The following DENND1A variants were observed in gnomAD, a reference collection of about 807,000 sequenced individuals.
DENND1A encodes DENN domain-containing protein 1A.
Under a neutral mutation model 113.7 loss-of-function variants are expected in DENND1A, and 51 were observed. That is an observed-to-expected ratio of 0.45 (90% CI 0.36 to 0.57). The LOEUF (loss-of-function observed/expected upper bound fraction) is 0.57. DENND1A is among the 20% of genes least tolerant of loss of function. DENND1A has a pLI of 0.00. For synonymous variants in DENND1A, 565 were observed against 570.8 expected, an observed-to-expected ratio of 0.99 and a Z score of 0.14; for missense variants, 1,258 against 1,395.9, an observed-to-expected ratio of 0.90 and a Z score of 1.57.
At chr9:123,398,015 T>C (rs1428166407) in intron 21 of DENND1A, among the ~76,000 whole-genome samples, 1 of 152,212 alleles carries the variant, frequency 6.6e-6, no homozygotes, top group Non-Finnish European at 1.5e-5. Context: ...CGAAAGCACT[T>C]GGCTCTGCAT....
At chr9:123,607,029 C>T (rs1460487071) in intron 11 of DENND1A, among the ~76,000 whole-genome samples, 15 of 152,278 alleles carry the variant, frequency 9.9e-5, no homozygotes. Flanking sequence ...GAAGGCTTGA[C>T]AGTAGTGGAG....
intron 13 of DENND1A, among the ~76,000 whole-genome samples, chr9:123,529,123 TG>T (rs1180648125): frequency 6.6e-6 from 1 of 152,208 alleles, no homozygotes; most frequent in Admixed American, 6.5e-5. Context: ...ATATGACCAA[TG>T]CAATATTTTT....
At chr9:123,852,637 C>A (rs1479293726) in intron 2 of DENND1A, among the ~76,000 whole-genome samples, 1 of 152,184 alleles carries the variant, frequency 6.6e-6, no homozygotes, top group Non-Finnish European at 1.5e-5. Flanking sequence ...CAGCACACTC[C>A]CAGTGCACTT....
chr9:123,565,711 C>T (rs1486383497), intron 12 of DENND1A, among the ~76,000 whole-genome samples: 1 of 152,186 alleles, frequency 6.6e-6, no homozygotes, highest in Non-Finnish European at 1.5e-5. Flanking sequence ...AAAACATTGG[C>T]TCCCTCTGCC....
chr9:123,607,520 CAGAGAG>C (rs33997878), intron 11 of DENND1A, among the ~76,000 whole-genome samples: 36 of 73,858 alleles, frequency 4.9e-4, no homozygotes, highest in South Asian at 5.9e-4. Flanking sequence ...CACACACACA[CAGAGAG>C]AGAGAGAGAG....
intron 10 of DENND1A, among the ~76,000 whole-genome samples, chr9:123,621,600 G>A (rs1221044903): frequency 6.6e-6 from 1 of 152,172 alleles, no homozygotes; most frequent in Non-Finnish European, 1.5e-5. Context: ...CCTGCTTTGT[G>A]TCAGTAGTAA....
At chr9:123,785,808 A>T (rs1301693069) in intron 3 of DENND1A, among the ~76,000 whole-genome samples, 1 of 152,200 alleles carries the variant, frequency 6.6e-6, no homozygotes, top group Non-Finnish European at 1.5e-5. Flanking sequence ...GCAGATGAAA[A>T]AATTACATTT....
At chr9:123,618,470 C>T (rs915729658) in intron 10 of DENND1A, among the ~76,000 whole-genome samples, 4 of 152,120 alleles carry the variant, frequency 2.6e-5, no homozygotes, top group Admixed American at 6.5e-5. Context: ...AGGCAGGAGT[C>T]GGGGCCAGCA....
intron 19 of DENND1A, among the ~76,000 whole-genome samples, chr9:123,420,173 A>G (rs748174361): frequency 5.9e-5 from 9 of 152,184 alleles, no homozygotes; most frequent in Non-Finnish European, 1.0e-4. Flanking sequence ...CTGTTTCTTC[A>G]GGGAAAGGAA....
intron 11 of DENND1A, among the ~76,000 whole-genome samples, chr9:123,583,746 G>C (rs2059032873): frequency 6.6e-6 from 1 of 152,110 alleles, no homozygotes; most frequent in Non-Finnish European, 1.5e-5. Flanking sequence ...ATTGTGTGTG[G>C]CCTACTGTTA....
chr9:123,733,852 G>A (rs2068366259), intron 5 of DENND1A, among the ~76,000 whole-genome samples: 1 of 151,900 alleles, frequency 6.6e-6, no homozygotes, highest in Non-Finnish European at 1.5e-5. Context: ...CTTTTTAGCA[G>A]AGACAGGGTT....
intron 12 of DENND1A, among the ~76,000 whole-genome samples, chr9:123,581,160 C>T (rs1286403500): frequency 4.6e-5 from 7 of 151,812 alleles, no homozygotes; most frequent in South Asian, 4.2e-4. Context: ...GTGGGTCAAG[C>T]GGGAGTAAGG....
intron 9 of DENND1A, among the ~76,000 whole-genome samples, chr9:123,637,621 T>TATAC (rs2061772607): frequency 1.3e-5 from 2 of 152,130 alleles, no homozygotes; most frequent in East Asian, 3.8e-4. Flanking sequence ...GTTACTGTAT[T>TATAC]TAGTGGGGGA....
chr9:123,495,141 T>TTCTCTCTCTCTCTCTCTCTCTCTC lies in DENND1A; in HGVS notation c.994-37268_994-37245dup, dbSNP rs56390148. Among the ~76,000 whole-genome samples the TTCTCTCTCTCTCTCTCTCTCTCTC allele has an allele frequency of 3.2e-3, 446 of 140,576 alleles. 17 individuals are homozygous for TTCTCTCTCTCTCTCTCTCTCTCTC. Among genetic ancestry groups the TTCTCTCTCTCTCTCTCTCTCTCTC allele is most frequent in the African/African-American group, 7.2e-3 (256 of 35,452 alleles). 92.2% of individuals were successfully genotyped at this position (140,576 alleles called of 152,430 possible). Reference sequence around the variant, plus strand: ...TCTATTATGACCCATCATTGTCTCTTTCTCTCTCTCTCTCTCTCTCTCTCT... The same window carrying TTCTCTCTCTCTCTCTCTCTCTCTC: ...TCTATTATGACCCATCATTGTCTCTTTCTCTCTCTCTCTCTCTCTCTCTCTCTCTCTCTCTCTCTCTCTCTCTCT... On this transcript the variant is annotated intron_variant, in intron 13 of 23. Coordinates refer to ENST00000394215, the MANE Select transcript of DENND1A (RefSeq NM_001352964.2).
At chr9:123,810,504 G>A (rs1395683124) in intron 2 of DENND1A, among the ~76,000 whole-genome samples, 4 of 127,194 alleles carry the variant, frequency 3.1e-5, no homozygotes, top group South Asian at 5.1e-4. Context: ...TTGAGCTCAA[G>A]AGATCGAGAC....
intron 1 of DENND1A, among the ~76,000 whole-genome samples, chr9:123,901,589 T>C (rs1363426120): frequency 1.3e-5 from 2 of 152,180 alleles, no homozygotes; most frequent in Non-Finnish European, 2.9e-5. Context: ...ATTTCCCTAT[T>C]TTTAATCCTA....
At chr9:123,698,603 A>G (rs548704248) in intron 5 of DENND1A, among the ~76,000 whole-genome samples, 3 of 152,252 alleles carry the variant, frequency 2.0e-5, no homozygotes, top group Non-Finnish European at 4.4e-5. Flanking sequence ...ACAGACTACT[A>G]AAGTTGTTTC....
intron 16 of DENND1A, among the ~76,000 whole-genome samples, chr9:123,452,847 C>T (rs1264231030): frequency 4.6e-5 from 7 of 152,242 alleles, no homozygotes; most frequent in African/African-American, 1.7e-4. Flanking sequence ...CTTTTCTTTC[C>T]TTGGTTTTCT....
intron 13 of DENND1A, among the ~76,000 whole-genome samples, chr9:123,520,255 A>C (rs1187409877): frequency 6.6e-6 from 1 of 151,770 alleles, no homozygotes; most frequent in Non-Finnish European, 1.5e-5. Flanking sequence ...TCAGGAGTTC[A>C]AGACCAGCCT....
Sources: gnomAD v4.1 joint callset for allele counts (sites outside exome capture counted in the v4.1 genomes callset) on GRCh38, gnomAD v4.1.1 for gene constraint, MANE v1.5 for transcripts, NCBI Gene and HGNC (gene_info 2026-07-23, HGNC 2026-07-21) for gene names.